The following CSMD1 variants were observed in gnomAD, a reference collection of about 807,000 sequenced individuals.
The protein encoded by CSMD1 is CUB and Sushi multiple domains 1.
In CSMD1, 213 loss-of-function variants were observed where a neutral mutation model predicts 417.5. The observed-to-expected ratio is 0.51, with a 90% CI of 0.46 to 0.57. The LOEUF is 0.57. Ranked by LOEUF, CSMD1 falls within the 20% of genes least tolerant of loss-of-function variation. The probability of loss-of-function intolerance (pLI) is 0.00; values close to 1 mark genes in which losing one functional copy is unlikely to be tolerated. For missense variants in CSMD1, 6,923 were observed against 4,529.7 expected (o/e 1.53, Z -15.17); for synonymous variants, 2,862 against 1,736.8 (o/e 1.65, Z -16.11).
intron 26 of CSMD1, among the ~76,000 whole-genome samples, chr8:3,276,825 C>T (rs144484280): frequency 5.7e-4 from 86 of 152,188 alleles, no homozygotes; most frequent in African/African-American, 1.9e-3. Flanking sequence ...TCACGCATAT[C>T]TAATTAGCAG....
chr8:4,247,801 C>G (rs569101569), intron 3 of CSMD1, among the ~76,000 whole-genome samples: 3 of 152,198 alleles, frequency 2.0e-5, no homozygotes, highest in African/African-American at 7.2e-5. Context: ...ACTGTGGGAG[C>G]CAAAGCAAGT....
intron 3 of CSMD1, among the ~76,000 whole-genome samples, chr8:4,264,530 G>A (rs907078369): frequency 2.8e-4 from 42 of 152,196 alleles, no homozygotes; most frequent in African/African-American, 9.9e-4. Flanking sequence ...GAGAAGCTCC[G>A]TTACTTAAAG....
At chr8:4,902,309 C>A (rs139747021) in intron 1 of CSMD1, among the ~76,000 whole-genome samples, 1 of 151,564 alleles carries the variant, frequency 6.6e-6, no homozygotes, top group African/African-American at 2.4e-5. Flanking sequence ...TGATGGCACA[C>A]GCCTCTAGTC....
chr8:4,026,749 G>T (rs761765268), intron 4 of CSMD1, among the ~76,000 whole-genome samples: 1 of 152,160 alleles, frequency 6.6e-6, no homozygotes, highest in African/African-American at 2.4e-5. Flanking sequence ...CTGTAATAAG[G>T]GGTTGTAATG....
intron 3 of CSMD1, among the ~76,000 whole-genome samples, chr8:4,121,135 G>T (rs1452535279): frequency 6.6e-6 from 1 of 150,412 alleles, no homozygotes; most frequent in East Asian, 2.0e-4. Context: ...TTTATTTTTG[G>T]GCAGAGTCTC....
intron 1 of CSMD1, among the ~76,000 whole-genome samples, chr8:4,907,247 A>G (rs977119349): frequency 6.6e-6 from 1 of 152,176 alleles, no homozygotes; most frequent in Non-Finnish European, 1.5e-5. Flanking sequence ...CTCTACTTTT[A>G]AGAATAAATT....
intron 2 of CSMD1, among the ~76,000 whole-genome samples, chr8:4,441,094 G>GTTTTTTTTTTTTTTTT (rs1563176229): frequency 1.1e-4 from 3 of 27,102 alleles, no homozygotes; most frequent in South Asian, 3.7e-3. Context: ...TTAATCAAAA[G>GTTTTTTTTTTTTTTTT]GTTTTTTTTT....
intron 1 of CSMD1, among the ~76,000 whole-genome samples, chr8:4,887,267 C>G (rs1231603247): frequency 6.6e-6 from 1 of 152,044 alleles, no homozygotes; most frequent in Admixed American, 6.6e-5. Context: ...AATTTCCATA[C>G]ATGTAGACTT....
intron 3 of CSMD1, among the ~76,000 whole-genome samples, chr8:4,376,394 G>C (rs553252885): frequency 1.3e-5 from 2 of 152,228 alleles, no homozygotes; most frequent in South Asian, 4.2e-4. Flanking sequence ...TGTAACCCGT[G>C]CTGTGATTCT....
At chr8:3,229,287 A>G (rs79247114) in intron 27 of CSMD1, among the ~76,000 whole-genome samples, 6,834 of 152,290 alleles carry the variant, frequency 0.045, 218 homozygotes, top group South Asian at 0.11. Flanking sequence ...AAACTGTGAC[A>G]GTTACTTAAA....
At chr8:4,904,778 G>T (rs1209766806) in intron 1 of CSMD1, among the ~76,000 whole-genome samples, 8 of 152,090 alleles carry the variant, frequency 5.3e-5, no homozygotes, top group African/African-American at 1.9e-4. Flanking sequence ...AAAAACTTCA[G>T]CAGTTATTTT....
chr8:3,649,564 T>G (rs1247868030), intron 7 of CSMD1, among the ~76,000 whole-genome samples: 1 of 152,130 alleles, frequency 6.6e-6, no homozygotes, highest in African/African-American at 2.4e-5. Flanking sequence ...GGAGAAGTGC[T>G]GTGCAAAGTG....
chr8:4,282,324 G>A (rs1275744543), intron 3 of CSMD1, among the ~76,000 whole-genome samples: 1 of 152,118 alleles, frequency 6.6e-6, no homozygotes, highest in Non-Finnish European at 1.5e-5. Context: ...ACGCCCAAGG[G>A]TCAAGATCAT....
At chr8:3,059,416 G>C (rs1245703990) in intron 49 of CSMD1, among the ~76,000 whole-genome samples, 1 of 152,076 alleles carries the variant, frequency 6.6e-6, no homozygotes, top group Admixed American at 6.6e-5. Context: ...CCTCAGGACA[G>C]CCTCTCAGTT....
chr8:3,076,897 G>A (rs1271568097), intron 49 of CSMD1, among the ~76,000 whole-genome samples: 1 of 152,092 alleles, frequency 6.6e-6, no homozygotes, highest in African/African-American at 2.4e-5. Flanking sequence ...TTTGCTACCT[G>A]GATATACTAC....
chr8:3,290,320 G>C (rs1803456202), intron 25 of CSMD1, among the ~76,000 whole-genome samples: 1 of 146,424 alleles, frequency 6.8e-6, no homozygotes. Flanking sequence ...GCTCTTTTTT[G>C]GTTCCATATG....
At chr8:4,659,596 G>A (rs1804454847) in intron 1 of CSMD1, among the ~76,000 whole-genome samples, 1 of 152,082 alleles carries the variant, frequency 6.6e-6, no homozygotes, top group Middle Eastern at 3.2e-3. Context: ...TATATCCATA[G>A]ACACAGAAAA....
chr8:3,515,261 G>C (rs1797238405), intron 10 of CSMD1: 1 of 152,162 alleles, frequency 6.6e-6, no homozygotes, highest in South Asian at 2.1e-4. Context: ...TAACAGCACT[G>C]TACCTGCTTT....
At chr8:3,610,537 G>C (rs1801840972) in intron 8 of CSMD1, among the ~76,000 whole-genome samples, 2 of 151,924 alleles carry the variant, frequency 1.3e-5, no homozygotes, top group South Asian at 2.1e-4. Flanking sequence ...GGTCATATAA[G>C]TATATAATAT....
Sources: gnomAD v4.1 joint callset for allele counts (sites outside exome capture counted in the v4.1 genomes callset) on GRCh38, gnomAD v4.1.1 for gene constraint, MANE v1.5 for transcripts, NCBI Gene and HGNC (gene_info 2026-07-23, HGNC 2026-07-21) for gene names.